The following SLC7A2 variants were observed in gnomAD, a reference collection of about 807,000 sequenced individuals.
SLC7A2 encodes cationic amino acid transporter 2.
In SLC7A2, 48 loss-of-function variants were observed where a neutral mutation model predicts 58.9. That is an observed-to-expected ratio of 0.82 (90% confidence interval 0.65 to 1.04). The LOEUF (loss-of-function observed/expected upper bound fraction) is 1.04. Ranked by LOEUF, SLC7A2 falls within the 50% of genes least tolerant of loss-of-function variation. The pLI is 0.00. For missense variants in SLC7A2, 1,029 were observed against 818.8 expected (o/e 1.26, Z -3.13); for synonymous variants, 363 against 314.5 (o/e 1.15, Z -1.63).
At position 17,566,736 on chromosome 8, in the gene SLC7A2, A is replaced by G. The variant is rs931752898; in HGVS notation, c.*1590A>G. The G allele has an allele frequency of 6.7e-6, 1 of 149,934 alleles. No homozygotes were observed. Among genetic ancestry groups the G allele is most frequent in the African/African-American group, 2.5e-5 (1 of 39,482 alleles). 9.3% of individuals were successfully genotyped at this position (149,934 alleles called of 1,614,324 possible). On this transcript the variant is annotated 3_prime_UTR_variant, in exon 13 of 13. Coordinates refer to ENST00000494857, the MANE Select transcript of SLC7A2 (RefSeq NM_001370338.1). ...ACTTTTTAGGATTCCCTAATAGTGGACTGTTTATTTGCAGTGTATTTGCTT... is the reference window on the plus strand; with the variant it reads ...ACTTTTTAGGATTCCCTAATAGTGGGCTGTTTATTTGCAGTGTATTTGCTT...
At chr8:17,560,234 C>G (rs1802900279) in intron 9 of SLC7A2, 94 bp from the exon 10 acceptor site, 2 of 847,390 alleles carry the variant, frequency 2.4e-6, no homozygotes, top group Non-Finnish European at 3.9e-6. Flanking sequence ...CACTATCACT[C>G]TGTATGATGT....
chr8:17,515,364 C>T (rs1446466104), intron 2 of SLC7A2, among the ~76,000 whole-genome samples: 4 of 151,090 alleles, frequency 2.6e-5, no homozygotes, highest in South Asian at 2.1e-4. Flanking sequence ...GTCGCAATCT[C>T]GGCTCACTGC....
At chr8:17,533,561 A>G (rs1801544222) in intron 2 of SLC7A2, among the ~76,000 whole-genome samples, 1 of 152,176 alleles carries the variant, frequency 6.6e-6, no homozygotes, top group South Asian at 2.1e-4. Flanking sequence ...TTTGAAAGGG[A>G]TACACTTTGG....
intron 2 of SLC7A2, among the ~76,000 whole-genome samples, chr8:17,523,867 A>G (rs775702609): frequency 6.6e-6 from 1 of 152,184 alleles, no homozygotes; most frequent in Non-Finnish European, 1.5e-5. Context: ...TATACATCTG[A>G]CAAAGGACTA....
chr8:17,519,493 A>G (rs945256235), intron 2 of SLC7A2, among the ~76,000 whole-genome samples: 6 of 152,224 alleles, frequency 3.9e-5, no homozygotes, highest in African/African-American at 9.6e-5. Context: ...TTCTCTTCCT[A>G]GGCTAATTGT....
Position 17,566,018 on chromosome 8 carries a change from A to G in SLC7A2, c.*872A>G, listed in dbSNP as rs1803248062. The G allele has an allele frequency of 1.4e-5, 2 of 147,068 alleles. No homozygotes were observed. Among genetic ancestry groups the G allele is most frequent in the Middle Eastern group, 3.6e-3 (1 of 280 alleles). 9.1% of individuals were successfully genotyped at this position (147,068 alleles called of 1,614,324 possible). A position where few individuals can be genotyped will look rare whatever the true frequency, so the allele number is the denominator to read the frequency against. On this transcript the variant is annotated 3_prime_UTR_variant, in exon 13 of 13. Transcript: ENST00000494857. Reference sequence around the variant, plus strand: ...GATAGTCACCAGGGCCAGAAAGCTCATGGAGTGGCCGTAATGAGAATATGT... The same window carrying G: ...GATAGTCACCAGGGCCAGAAAGCTCGTGGAGTGGCCGTAATGAGAATATGT...
chr8:17,550,242 C>G (rs1802381722), intron 5 of SLC7A2, 59 bp from the exon 6 acceptor site: 1 of 1,549,310 alleles, frequency 6.5e-7, no homozygotes, highest in African/African-American at 1.4e-5. Context: ...TGAGAAAAGT[C>G]ACCAGAAGGA....
chr8:17,563,549 G>T (rs898149652), intron 11 of SLC7A2, 54 bp from the exon 12 acceptor site: 8 of 1,069,028 alleles, frequency 7.5e-6, no homozygotes, highest in Admixed American at 3.8e-5. Flanking sequence ...GAAATAACTT[G>T]GGGAATATGC....
Position 17,569,597 on chromosome 8 carries a change from C to G in SLC7A2, c.*4451C>G, listed in dbSNP as rs549949791. On this transcript the variant is annotated 3_prime_UTR_variant, in exon 13 of 13. Coordinates refer to ENST00000494857, the MANE Select transcript of SLC7A2 (RefSeq NM_001370338.1). ...GATTATATTAAACACTTTAAAATAG[C>G]CTTCCGGTTTCTGGATTTTGAGAAG... The G allele has an allele frequency of 6.6e-6, 1 of 151,984 alleles. No homozygotes were observed. Among genetic ancestry groups the G allele is most frequent in the Non-Finnish European group, 1.5e-5 (1 of 68,010 alleles). 9.4% of individuals were successfully genotyped at this position (151,984 alleles called of 1,614,324 possible).
In SLC7A2 at chr8:17,558,295, C is replaced by G; in HGVS notation, c.1196C>G (p.Ala399Gly). Residue 399 changes from alanine (A) to glycine (G), a missense_variant and splice_region_variant, in exon 9 of 13, where the codon GCT becomes GGT. Transcript: ENST00000494857. ...CACCGTTCTTTTCTTCTCCCCCTAGCTTTGATGGCCTTTCTGTTTGACCTG... is the reference window on the plus strand; with the variant it reads ...CACCGTTCTTTTCTTCTCCCCCTAGGTTTGATGGCCTTTCTGTTTGACCTG... ...IATLSSGAVA[A>G]LMAFLFDLKA... is the part of the protein sequence containing the mutation. 2 of 1,608,000 alleles carry G rather than the reference C, an allele frequency of 1.2e-6. No homozygotes were observed. Among genetic ancestry groups the G allele is most frequent in the Non-Finnish European group, 1.7e-6 (2 of 1,174,848 alleles).
At chr8:17,561,047 G>T (rs536263366) in intron 10 of SLC7A2, among the ~76,000 whole-genome samples, 1 of 152,320 alleles carries the variant, frequency 6.6e-6, no homozygotes, top group South Asian at 2.1e-4. Flanking sequence ...AGGATAATTG[G>T]TGGCAAGTAG....
Position 17,570,536 on chromosome 8 carries a change from T to C in SLC7A2, c.*5390T>C, listed in dbSNP as rs183836131. ...GTAAAATATGCTTTCTGATGTGGTG[T>C]ATTTTTAAAATAAATTTTAATATGT... On this transcript the variant is annotated 3_prime_UTR_variant, in exon 13 of 13. Coordinates refer to ENST00000494857, the MANE Select transcript of SLC7A2 (RefSeq NM_001370338.1). The C allele has an allele frequency of 1.3e-5, 2 of 150,480 alleles. No homozygotes were observed. Among genetic ancestry groups the C allele is most frequent in the African/African-American group, 5.1e-5 (2 of 39,366 alleles). 9.3% of individuals were successfully genotyped at this position (150,480 alleles called of 1,614,324 possible). A position where few individuals can be genotyped will look rare whatever the true frequency, so the allele number is the denominator to read the frequency against.
intron 2 of SLC7A2, among the ~76,000 whole-genome samples, chr8:17,525,662 C>G (rs1290460373): frequency 6.6e-6 from 1 of 152,148 alleles, no homozygotes; most frequent in Non-Finnish European, 1.5e-5. Context: ...CTACATGCCT[C>G]AACAGTGATT....
chr8:17,558,263 T>C (rs746142804), intron 8 of SLC7A2, 32 bp from the exon 9 acceptor site: 2 of 1,452,484 alleles, frequency 1.4e-6, no homozygotes, highest in East Asian at 4.5e-5. Context: ...TCCTGGGCCG[T>C]TTACTTCACC....
intron 2 of SLC7A2, among the ~76,000 whole-genome samples, chr8:17,516,170 A>G (rs1379448604): frequency 6.6e-6 from 1 of 152,084 alleles, no homozygotes; most frequent in Non-Finnish European, 1.5e-5. Context: ...TTGCTTGTCC[A>G]CTTACTCCTT....
chr8:17,531,618 T>C (rs1359518168), intron 2 of SLC7A2, among the ~76,000 whole-genome samples: 1 of 152,128 alleles, frequency 6.6e-6, no homozygotes, highest in Non-Finnish European at 1.5e-5. Flanking sequence ...GTTTGAATTT[T>C]AAATTTTATA....
chr8:17,539,335 C>T (rs767859863), intron 2 of SLC7A2, among the ~76,000 whole-genome samples: 17 of 152,008 alleles, frequency 1.1e-4, no homozygotes, highest in South Asian at 8.3e-4. Context: ...GCACAATGGG[C>T]GTGGGGCTAA....
chr8:17,516,534 C>G (rs1177406235), intron 2 of SLC7A2, among the ~76,000 whole-genome samples: 2 of 152,160 alleles, frequency 1.3e-5, no homozygotes, highest in Non-Finnish European at 2.9e-5. Flanking sequence ...TATGTGTTGT[C>G]TGTTTTAAAG....
intron 4 of SLC7A2, among the ~76,000 whole-genome samples, chr8:17,546,128 G>C (rs1363173696): frequency 6.6e-6 from 1 of 152,172 alleles, no homozygotes; most frequent in Non-Finnish European, 1.5e-5. Flanking sequence ...ATAGAAACCA[G>C]TCTAGCGTTA....
Sources: allele counts gnomAD v4.1 joint callset (sites outside exome capture counted in the v4.1 genomes callset), GRCh38; gene constraint gnomAD v4.1.1; transcripts MANE v1.5; gene names NCBI Gene and HGNC (gene_info 2026-07-23, HGNC 2026-07-21).